The following SLC4A5 variants were observed in gnomAD, a reference collection of about 807,000 sequenced individuals.
SLC4A5 encodes solute carrier family 4 member 5, also known as electrogenic sodium bicarbonate cotransporter 4.
Under a neutral mutation model 120.4 loss-of-function variants are expected in SLC4A5, and 96 were observed. The observed-to-expected ratio is 0.80, with a 90% CI of 0.68 to 0.94. SLC4A5 has a LOEUF of 0.94. Ranked by LOEUF, SLC4A5 falls within the 40% of genes least tolerant of loss-of-function variation. The probability of loss-of-function intolerance (pLI) is 0.00; values close to 1 mark genes in which losing one functional copy is unlikely to be tolerated. For missense variants in SLC4A5, 1,259 were observed against 1,459.5 expected (o/e 0.86, Z 2.24); for synonymous variants, 550 against 571.1 (o/e 0.96, Z 0.53).
intron 7 of SLC4A5, among the ~76,000 whole-genome samples, chr2:74,300,086 C>T (rs577546802): frequency 2.5e-4 from 38 of 152,228 alleles, no homozygotes; most frequent in African/African-American, 8.2e-4. Context: ...ATGGAAGAAC[C>T]GGGAGGGCAT....
chr2:74,265,243 C>A, exon 9 of SLC4A5: 1 of 1,614,154 alleles, frequency 6.2e-7, no homozygotes, highest in Non-Finnish European at 8.5e-7. Context: ...CTTCCTCTAC[C>A]TTTTCTTCAA....
rs375098938 is a variant in SLC4A5 at position 74,235,122 on chromosome 2, C to A, written c.2412G>T (p.Leu804=). Reference sequence around the variant, plus strand: ...AAACCTTGATGACACTGGGCACATGCAGCTTGGGAGTTTCTAGGCCAAAAC... The same window carrying A: ...AAACCTTGATGACACTGGGCACATGAAGCTTGGGAGTTTCTAGGCCAAAAC... Residue 804 remains leucine, a synonymous_variant, in exon 22 of 31, where the codon CTG becomes CTT. Transcript: ENST00000394019. The A allele has an allele frequency of 6.8e-6, 11 of 1,613,982 alleles. No homozygotes were observed. The African/African-American group carries it at 1.5e-4, about 22-fold the overall frequency.
intron 29 of SLC4A5, among the ~76,000 whole-genome samples, 182 bp downstream of exon 29, chr2:74,222,686 T>G (rs749471897): frequency 2.7e-4 from 41 of 152,094 alleles, no homozygotes; most frequent in Non-Finnish European, 4.9e-4. Flanking sequence ...CATTCCCCAC[T>G]CCCTACTGGT....
In SLC4A5 at chr2:74,233,384, T is replaced by C. The variant is rs1295441575; in HGVS notation, c.2595+18A>G. 2.9e-5 allele frequency: 46 copies of C among 1,614,016 alleles called. No homozygotes were observed. Among genetic ancestry groups the C allele is most frequent in the Non-Finnish European group, 3.9e-5 (46 of 1,179,882 alleles). The stretch of plus-strand genomic sequence containing the variant: ...GGGAAGAAAGAGGTTATGCCTCTGC[T>C]CCTAGTACCGGCCTTACCTTCAGTT... On this transcript the variant is annotated intron_variant, in intron 23 of 30. Transcript: ENST00000394019.
chr2:74,314,184 A>C (rs1302666136), intron 6 of SLC4A5, among the ~76,000 whole-genome samples: 1 of 152,174 alleles, frequency 6.6e-6, no homozygotes, highest in East Asian at 1.9e-4. Context: ...CTTCTATCAT[A>C]ATCAAAAGAG....
intron 27 of SLC4A5, among the ~76,000 whole-genome samples, chr2:74,226,352 C>T (rs549018699): frequency 6.6e-6 from 1 of 152,324 alleles, no homozygotes. Context: ...GGTGAGTTAT[C>T]TAGGGGGCCA....
intron 6 of SLC4A5, among the ~76,000 whole-genome samples, chr2:74,305,198 A>G (rs1672605240): frequency 1.3e-5 from 2 of 152,336 alleles, no homozygotes; most frequent in Admixed American, 6.5e-5. Flanking sequence ...AGTTACCAAG[A>G]GCCCTAATTC....
chr2:74,258,594 C>T (rs1209606720), intron 12 of SLC4A5, among the ~76,000 whole-genome samples: 4 of 152,158 alleles, frequency 2.6e-5, no homozygotes, highest in African/African-American at 9.7e-5. Context: ...AGTTAGACTG[C>T]CTAGGTCAAA....
intron 8 of SLC4A5, among the ~76,000 whole-genome samples, chr2:74,279,797 G>GT (rs776165300): frequency 6.6e-6 from 1 of 152,258 alleles, no homozygotes; most frequent in Non-Finnish European, 1.5e-5. Flanking sequence ...CTACCATGAG[G>GT]TACTCACTAG....
chr2:74,336,226 T>C (rs1673484858), intron 3 of SLC4A5, among the ~76,000 whole-genome samples: 1 of 152,038 alleles, frequency 6.6e-6, no homozygotes, highest in African/African-American at 2.4e-5. Flanking sequence ...TGCCACACCA[T>C]ACCAGGCTAC....
At chr2:74,240,020 T>C (rs1670387831) in intron 20 of SLC4A5, among the ~76,000 whole-genome samples, 1 of 148,290 alleles carries the variant, frequency 6.7e-6, no homozygotes, top group African/African-American at 2.5e-5. Context: ...TATAAATTTA[T>C]TTATATATAC....
chr2:74,276,270 C>T (rs1671637315), intron 8 of SLC4A5, among the ~76,000 whole-genome samples: 1 of 152,154 alleles, frequency 6.6e-6, no homozygotes, highest in Non-Finnish European at 1.5e-5. Flanking sequence ...AACATGTTTG[C>T]TGATACCTGT....
chr2:74,296,979 T>C lies in SLC4A5; in HGVS notation c.271+7510A>G, dbSNP rs545179640. On this transcript the variant is annotated intron_variant, in intron 7 of 30. Transcript: ENST00000394019. ...CTTTGGTCCTAAGGCTTTGGAACCT[T>C]GTGAGGTTCCAGTGTCTTAATAGAA... is the stretch of plus-strand genomic sequence containing the variant. Among the ~76,000 whole-genome samples, 6 of 152,212 alleles carry C rather than the reference T, an allele frequency of 3.9e-5. No individual in the cohort carries two copies. The South Asian group carries it at 1.0e-3, about 26-fold the overall frequency.
At chr2:74,222,550 C>T (rs913570787) in intron 29 of SLC4A5, among the ~76,000 whole-genome samples, 3 of 152,158 alleles carry the variant, frequency 2.0e-5, no homozygotes, top group South Asian at 2.1e-4. Flanking sequence ...GCTCCAGCTC[C>T]GGTGGGATCA....
intron 20 of SLC4A5, among the ~76,000 whole-genome samples, chr2:74,241,594 T>C (rs1275714437): frequency 2.6e-5 from 4 of 151,640 alleles, no homozygotes; most frequent in Non-Finnish European, 4.4e-5. Context: ...TACAAAAAAT[T>C]AGCTGGGCGT....
rs76967825 is a variant in SLC4A5 at position 74,279,107 on chromosome 2, C to T, written c.401+6666G>A. Among the ~76,000 whole-genome samples the T allele has an allele frequency of 3.5e-3, 529 of 152,356 alleles. 29 individuals are homozygous for T. In the East Asian group the frequency reaches 0.08, roughly 23 times the overall value. ...TCCCTGGACACTTCTTGTAAGCCTACGATGTGCTCAGACTTCGCTGACCCT... is the reference window on the plus strand; with the variant it reads ...TCCCTGGACACTTCTTGTAAGCCTATGATGTGCTCAGACTTCGCTGACCCT... On this transcript the variant is annotated intron_variant, in intron 8 of 30. Coordinates refer to ENST00000394019, the Ensembl canonical transcript of SLC4A5.
At chr2:74,295,088 C>T (rs1394270543) in intron 7 of SLC4A5, among the ~76,000 whole-genome samples, 1 of 151,462 alleles carries the variant, frequency 6.6e-6, no homozygotes, top group Non-Finnish European at 1.5e-5. Flanking sequence ...GTGAGAGAGA[C>T]CGAGGTAAAT....
intron 21 of SLC4A5, among the ~76,000 whole-genome samples, chr2:74,237,837 C>A (rs1288420631): frequency 6.6e-6 from 1 of 152,138 alleles, no homozygotes; most frequent in Non-Finnish European, 1.5e-5. Flanking sequence ...TGCGGTGGCT[C>A]ACACCTGTAA....
At chr2:74,314,842 G>T in intron 6 of SLC4A5, 103 bp downstream of exon 6, 1 of 1,060,846 alleles carries the variant, frequency 9.4e-7, no homozygotes, top group Non-Finnish European at 1.5e-6. Context: ...CAGGAAAAGG[G>T]ACCTGCTCCC....
Sources: gnomAD v4.1 joint callset for allele counts (sites outside exome capture counted in the v4.1 genomes callset) on GRCh38, gnomAD v4.1.1 for gene constraint, MANE v1.5 for transcripts, NCBI Gene and HGNC (gene_info 2026-07-23, HGNC 2026-07-21) for gene names.